Variants in HYCC1 observed in about 807,000 individuals in gnomAD.
HYCC1 encodes the protein hyccin PI4KA lipid kinase complex subunit 1.
At chr7:22,953,438 G>T in the HYCC1 span, among the ~76,000 whole-genome samples, 1 of 151,784 alleles carries the variant, frequency 6.6e-6, no homozygotes, top group Admixed American at 6.6e-5. Context: ...AATAATTTAC[G>T]AACAAGTTTT....
chr7:23,000,414 A>C, the HYCC1 span, among the ~76,000 whole-genome samples: 1 of 151,980 alleles, frequency 6.6e-6, no homozygotes, highest in Non-Finnish European at 1.5e-5. Flanking sequence ...AACCAAACAA[A>C]ATATATCTGC....
At chr7:22,981,624 A>G in the HYCC1 span, among the ~76,000 whole-genome samples, 1 of 152,238 alleles carries the variant, frequency 6.6e-6, no homozygotes, top group Non-Finnish European at 1.5e-5. Flanking sequence ...AATGCTTCGG[A>G]AAGTGTGGTC....
chr7:22,954,710 T>C, the HYCC1 span, among the ~76,000 whole-genome samples: 1 of 126,138 alleles, frequency 7.9e-6, no homozygotes, highest in Non-Finnish European at 1.8e-5. Flanking sequence ...GTACTTATTT[T>C]GCATCATTAA....
At chr7:22,962,578 G>GAAAA in the HYCC1 span, among the ~76,000 whole-genome samples, 1 of 137,296 alleles carries the variant, frequency 7.3e-6, no homozygotes, top group Non-Finnish European at 1.6e-5. Flanking sequence ...CTGAGGGTAA[G>GAAAA]AAAAAAAAAA....
chr7:22,923,435 T>G, the HYCC1 span, among the ~76,000 whole-genome samples: 1 of 152,162 alleles, frequency 6.6e-6, no homozygotes, highest in African/African-American at 2.4e-5. Flanking sequence ...TAGATGTAAC[T>G]TCCTATATTA....
chr7:22,926,584 G>C, the HYCC1 span, among the ~76,000 whole-genome samples: 2 of 152,118 alleles, frequency 1.3e-5, no homozygotes, highest in African/African-American at 2.4e-5. Flanking sequence ...AAGAAACAAA[G>C]AAGGCCATTA....
At chr7:22,897,898 T>A in the HYCC1 span, among the ~76,000 whole-genome samples, 1 of 152,228 alleles carries the variant, frequency 6.6e-6, no homozygotes, top group East Asian at 1.9e-4. Context: ...CCTCCCAAAG[T>A]GCTGGGATTA....
the HYCC1 span, among the ~76,000 whole-genome samples, chr7:22,929,379 G>T: frequency 6.6e-6 from 1 of 152,156 alleles, no homozygotes; most frequent in South Asian, 2.1e-4. Context: ...CACAGCAAAA[G>T]AAACCACCAT....
the HYCC1 span, chr7:22,943,018 T>A: frequency 6.6e-6 from 1 of 152,164 alleles, no homozygotes; most frequent in African/African-American, 2.4e-5. Flanking sequence ...AGAGATTTTT[T>A]AAAAAGAATA....
At chr7:22,978,109 T>A in the HYCC1 span, 3 of 673,312 alleles carry the variant, frequency 4.5e-6, no homozygotes, top group African/African-American at 1.8e-5. Flanking sequence ...TACGCTTGTA[T>A]GTCTCCCAAT....
the HYCC1 span, chr7:22,978,362 T>G: frequency 1.9e-6 from 3 of 1,614,084 alleles, no homozygotes; most frequent in South Asian, 2.2e-5. Flanking sequence ...AAATTAGTTC[T>G]GGGAGAAATT....
chr7:22,912,490 C>T, the HYCC1 span, among the ~76,000 whole-genome samples: 8 of 152,200 alleles, frequency 5.3e-5, no homozygotes, highest in Non-Finnish European at 1.2e-4. Context: ...CCACCTAACA[C>T]TCACACATAA....
the HYCC1 span, chr7:22,976,552 T>C: frequency 1.4e-6 from 1 of 698,778 alleles, no homozygotes; most frequent in Non-Finnish European, 2.5e-6. Context: ...AATCTAGATC[T>C]GTTTTTCTCT....
chr7:22,947,063 T>A, the HYCC1 span: 1 of 1,550,414 alleles, frequency 6.4e-7, no homozygotes, highest in South Asian at 1.2e-5. Flanking sequence ...CTGGCAAGCC[T>A]TTGCTCTCAG....
At chr7:22,957,013 G>A in the HYCC1 span, among the ~76,000 whole-genome samples, 1,123 of 151,782 alleles carry the variant, frequency 7.4e-3, 15 homozygotes, top group African/African-American at 0.026. Context: ...TCTATGAAGC[G>A]TTACAGAATC....
At chr7:22,978,840 T>C in the HYCC1 span, among the ~76,000 whole-genome samples, 2 of 152,150 alleles carry the variant, frequency 1.3e-5, no homozygotes, top group African/African-American at 2.4e-5. Flanking sequence ...ATTGCTGTAA[T>C]TTTATTTTAA....
chr7:22,945,986 C>T, the HYCC1 span: 1 of 1,613,718 alleles, frequency 6.2e-7, no homozygotes, highest in South Asian at 1.1e-5. Context: ...TTCTTTTCCT[C>T]CAGTTTTGCT....
At chr7:22,905,560 A>T in the HYCC1 span, among the ~76,000 whole-genome samples, 1 of 151,894 alleles carries the variant, frequency 6.6e-6, no homozygotes, top group African/African-American at 2.4e-5. Flanking sequence ...CCATGTCACC[A>T]TCTTTACTTA....
chr7:22,996,939 A>G, the HYCC1 span, among the ~76,000 whole-genome samples: 9 of 152,228 alleles, frequency 5.9e-5, no homozygotes, highest in African/African-American at 2.2e-4. Flanking sequence ...CAAAGATAAA[A>G]GAGACAATTA....
Sources: allele counts gnomAD v4.1 joint callset (sites outside exome capture counted in the v4.1 genomes callset), GRCh38; gene constraint gnomAD v4.1.1; transcripts MANE v1.5; gene names NCBI Gene and HGNC (gene_info 2026-07-23, HGNC 2026-07-21).